SLFN12L: variants seen among roughly 807,000 people sequenced by gnomAD.
SLFN12L encodes schlafen family member 12-like.
SLFN12L carries 34 observed loss-of-function variants against 34.8 expected under a neutral mutation model. The ratio of observed to expected loss-of-function variants is 0.98; its 90% CI spans 0.74 to 1.30. The LOEUF (loss-of-function observed/expected upper bound fraction) is 1.30. Ranked by LOEUF, SLFN12L falls within the 50% of genes most tolerant of loss-of-function variation. SLFN12L has a pLI of 0.00. For synonymous variants in SLFN12L, 259 were observed against 247.5 expected (o/e 1.05, Z -0.44); for missense variants, 703 against 696.2 (o/e 1.01, Z -0.11).
intron 2 of SLFN12L, among the ~76,000 whole-genome samples, chr17:35,515,633 A>ATTTTTTTTTT (rs58481344): frequency 2.6e-5 from 2 of 78,086 alleles, no homozygotes; most frequent in Non-Finnish European, 2.3e-5. Context: ...ACGCCCGGCA[A>ATTTTTTTTTT]TTTTTTTTTT....
intron 2 of SLFN12L, among the ~76,000 whole-genome samples, chr17:35,506,325 G>T (rs1915464104): frequency 6.6e-6 from 1 of 152,184 alleles, no homozygotes. Context: ...CATGAATTAG[G>T]ACTGTGTGGA....
chr17:35,503,850 A>G (rs886463166), intron 2 of SLFN12L, among the ~76,000 whole-genome samples: 6 of 147,964 alleles, frequency 4.1e-5, no homozygotes, highest in Non-Finnish European at 3.0e-5. Flanking sequence ...GAAGGACCCT[A>G]CCTTGTGCTG....
At chr17:35,506,345 A>C (rs1216180996) in intron 2 of SLFN12L, among the ~76,000 whole-genome samples, 2 of 152,238 alleles carry the variant, frequency 1.3e-5, no homozygotes, top group African/African-American at 2.4e-5. Context: ...AAATAAATGT[A>C]GATACTGGTC....
rs184056694 is a variant in SLFN12L, at chr17:35,470,881, A to C, written c.*4042T>G. Among the ~76,000 whole-genome samples the C allele has an allele frequency of 1.5e-3, 228 of 151,642 alleles. No individual in the cohort carries two copies. The highest frequency in any genetic ancestry group is 5.2e-3 in the African/African-American group (214 of 41,280). ...CTGTGTCCATGTGTTCTCATTGTTC[A>C]GCTCCCACTTATGAGTGAGAACATG... On this transcript the variant is annotated 3_prime_UTR_variant, in exon 5 of 5. Coordinates refer to ENST00000628453, the MANE Select transcript of SLFN12L (RefSeq NM_001363830.2).
Position 35,471,225 on chromosome 17 carries a change from C to T in SLFN12L, c.*3698G>A, listed in dbSNP as rs1460096272. ...GATCTTGGCTCACTGCAACCTCTGC[C>T]TCCCGGGTTCAAGCAATTTTCATGT... On this transcript the variant is annotated 3_prime_UTR_variant, in exon 5 of 5. Coordinates refer to ENST00000628453, the MANE Select transcript of SLFN12L (RefSeq NM_001363830.2). Among the ~76,000 whole-genome samples the T allele has an allele frequency of 6.6e-6, 1 of 151,836 alleles. No individual in the cohort carries two copies.
chr17:35,517,595 A>T (rs910208760), intron 2 of SLFN12L, among the ~76,000 whole-genome samples: 4 of 152,208 alleles, frequency 2.6e-5, no homozygotes, highest in African/African-American at 7.2e-5. Flanking sequence ...AGCCAAGACA[A>T]TCCTAAGCAA....
intron 1 of SLFN12L, among the ~76,000 whole-genome samples, chr17:35,526,009 G>A (rs1053105570): frequency 6.6e-6 from 1 of 152,082 alleles, no homozygotes; most frequent in African/African-American, 2.4e-5. Context: ...AAGGGATGGA[G>A]GAATATTTAC....
intron 2 of SLFN12L, 186 bp from the exon 3 acceptor site, chr17:35,480,381 T>A (rs1914280564): frequency 6.4e-6 from 3 of 471,912 alleles, no homozygotes; most frequent in East Asian, 6.5e-5. Flanking sequence ...CCTACTGAAT[T>A]TTCAAATTTG....
At chr17:35,489,502 C>A (rs539763780) in intron 2 of SLFN12L, among the ~76,000 whole-genome samples, 13 of 152,038 alleles carry the variant, frequency 8.6e-5, no homozygotes, top group Admixed American at 2.6e-4. Context: ...TGCAGTGAGC[C>A]GTGATCAGGC....
intron 2 of SLFN12L, chr17:35,490,113 A>T: frequency 6.2e-7 from 1 of 1,606,556 alleles, no homozygotes; most frequent in Non-Finnish European, 8.5e-7. Flanking sequence ...GGCGCGGAGC[A>T]GACCGCCGGC....
rs1913746321 is a variant in SLFN12L, at chr17:35,468,228, G to A, written c.*6695C>T. Reference sequence around the variant, plus strand: ...GCTCAGCCTGCTGATCTTACTGCTGGTATGGGTGCTTTTGTTGTTTTATCA... The same window carrying A: ...GCTCAGCCTGCTGATCTTACTGCTGATATGGGTGCTTTTGTTGTTTTATCA... On this transcript the variant is annotated 3_prime_UTR_variant, in exon 5 of 5. Coordinates refer to ENST00000628453, the MANE Select transcript of SLFN12L (RefSeq NM_001363830.2). Among the ~76,000 whole-genome samples, 1 of 152,110 alleles carries A rather than the reference G, an allele frequency of 6.6e-6. No homozygotes were observed. Among genetic ancestry groups the A allele is most frequent in the African/African-American group, 2.4e-5 (1 of 41,424 alleles).
At position 35,469,482 on chromosome 17, in the gene SLFN12L, G is replaced by T. The variant is rs1913771838; in HGVS notation, c.*5441C>A. On this transcript the variant is annotated 3_prime_UTR_variant, in exon 5 of 5. Transcript: ENST00000628453. ...CTTAGTTATGGACCAGCCTACAAGG[G>T]CTCTTTATACTTCCACATTGTTCTT... 6.6e-6 allele frequency among the ~76,000 whole-genome samples: 1 copy of T among 151,068 alleles called. No homozygotes were observed. Among genetic ancestry groups the T allele is most frequent in the African/African-American group, 2.4e-5 (1 of 41,034 alleles).
At position 35,469,072 on chromosome 17, in the gene SLFN12L, T is replaced by C. The variant is rs145553071; in HGVS notation, c.*5851A>G. 9.9e-5 allele frequency among the ~76,000 whole-genome samples: 15 copies of C among 151,598 alleles called. No homozygotes were observed. Among genetic ancestry groups the C allele is most frequent in the African/African-American group, 3.6e-4 (15 of 41,242 alleles). On this transcript the variant is annotated 3_prime_UTR_variant, in exon 5 of 5. Coordinates refer to ENST00000628453, the MANE Select transcript of SLFN12L (RefSeq NM_001363830.2). Reference sequence around the variant, plus strand: ...TTGCCTTTCTCTGAAGGCTGTTGCCTCCTGAGTCAATCCCTCAACCCACTG... The same window carrying C: ...TTGCCTTTCTCTGAAGGCTGTTGCCCCCTGAGTCAATCCCTCAACCCACTG...
chr17:35,511,173 T>C (rs1915631150), intron 2 of SLFN12L, among the ~76,000 whole-genome samples: 1 of 152,228 alleles, frequency 6.6e-6, no homozygotes, highest in South Asian at 2.1e-4. Flanking sequence ...CTTTTCTTTT[T>C]CTCCAATCCC....
Position 35,486,961 on chromosome 17 carries a change from G to A in SLFN12L, c.87-6766C>T, listed in dbSNP as rs576905939. On this transcript the variant is annotated intron_variant, in intron 2 of 4. Coordinates refer to ENST00000628453, the MANE Select transcript of SLFN12L (RefSeq NM_001363830.2). The stretch of plus-strand genomic sequence containing the variant: ...TCGGATACCACTTTGCATTTAGTTC[G>A]GAACAGCACTGCTTTCACCCTTTCC... 4.1e-4 allele frequency among the ~76,000 whole-genome samples: 63 copies of A among 152,322 alleles called. No individual in the cohort carries two copies. In the South Asian group the frequency reaches 0.012, roughly 28 times the overall value.
intron 2 of SLFN12L, among the ~76,000 whole-genome samples, chr17:35,512,186 G>T (rs1915668351): frequency 9.4e-6 from 1 of 105,904 alleles, no homozygotes; most frequent in African/African-American, 3.8e-5. Context: ...ACGGAGTCTC[G>T]CTCTGTCGCC....
intron 2 of SLFN12L, chr17:35,499,129 A>G: frequency 2.3e-6 from 2 of 860,210 alleles, no homozygotes; most frequent in East Asian, 3.7e-5. Context: ...GAGTCCTGTC[A>G]AGTAGACATG....
At chr17:35,493,021 G>C (rs1387636498) in intron 2 of SLFN12L, among the ~76,000 whole-genome samples, 1 of 152,006 alleles carries the variant, frequency 6.6e-6, no homozygotes, top group Non-Finnish European at 1.5e-5. Flanking sequence ...GTTTACTCCA[G>C]GTAGATTTCC....
At chr17:35,486,118 T>C (rs759720826) in intron 2 of SLFN12L, among the ~76,000 whole-genome samples, 1 of 152,246 alleles carries the variant, frequency 6.6e-6, no homozygotes, top group South Asian at 2.1e-4. Context: ...ATGATACTGA[T>C]TCTTCCAACA....
Sources: gnomAD v4.1 joint callset for allele counts (sites outside exome capture counted in the v4.1 genomes callset) on GRCh38, gnomAD v4.1.1 for gene constraint, MANE v1.5 for transcripts, NCBI Gene and HGNC (gene_info 2026-07-23, HGNC 2026-07-21) for gene names.